The following ZDHHC17 variants were observed in gnomAD, a reference collection of about 807,000 sequenced individuals.
ZDHHC17 encodes the protein zDHHC palmitoyltransferase 17, also known as palmitoyltransferase ZDHHC17.
A neutral mutation model predicts 90.3 loss-of-function variants in ZDHHC17; 40 were observed. The observed-to-expected ratio is 0.44, with a 90% CI of 0.34 to 0.58. The LOEUF is 0.58. Ranked by LOEUF, ZDHHC17 falls within the 20% of genes least tolerant of loss-of-function variation. The pLI is 0.01. For missense variants in ZDHHC17, 614 were observed against 780.8 expected (o/e 0.79, Z 2.55); for synonymous variants, 235 against 252.4 (o/e 0.93, Z 0.65).
intron 1 of ZDHHC17, among the ~76,000 whole-genome samples, chr12:76,788,987 G>A (rs570054770): frequency 2.6e-5 from 4 of 152,100 alleles, no homozygotes; most frequent in Admixed American, 6.6e-5. Flanking sequence ...ATGAGCCACC[G>A]TGCCCAGCAA....
At chr12:76,836,573 T>C (rs34722810) in intron 10 of ZDHHC17, among the ~76,000 whole-genome samples, 13 of 152,146 alleles carry the variant, frequency 8.5e-5, no homozygotes, top group African/African-American at 3.1e-4. Flanking sequence ...TTGTTTAGTT[T>C]TTTCTTTAGC....
rs565034392 is a variant in ZDHHC17, at chr12:76,823,701, G to A, written c.897+1170G>A. ...AAAGACAAATTTAGGATAAAGAGAA[G>A]CAGTCTTGAAAGCAGTGCCTCCTTT... is the stretch of plus-strand genomic sequence containing the variant. On this transcript the variant is annotated intron_variant, in intron 8 of 16. Transcript: ENST00000426126. Among the ~76,000 whole-genome samples the A allele has an allele frequency of 1.2e-3, 190 of 152,266 alleles. 1 individual carries two copies. The highest frequency in any genetic ancestry group is 1.8e-3 in the Non-Finnish European group (121 of 68,008).
At chr12:76,804,920 TTTC>T (rs1458306086) in intron 2 of ZDHHC17, among the ~76,000 whole-genome samples, 5 of 152,198 alleles carry the variant, frequency 3.3e-5, no homozygotes, top group Non-Finnish European at 5.9e-5. Context: ...TATAACATCC[TTTC>T]TTCTTGATAC....
rs987110731 is a variant in ZDHHC17 at position 76,764,116 on chromosome 12, T to G, written c.-121T>G. Reference sequence around the variant, plus strand: ...GAGGGGGGAGGGGACAGAGGGGGCGTCACGGGGGCAGGAGAAGAAGGAGGA... The same window carrying G: ...GAGGGGGGAGGGGACAGAGGGGGCGGCACGGGGGCAGGAGAAGAAGGAGGA... On this transcript the variant is annotated 5_prime_UTR_variant, in exon 1 of 17. Transcript: ENST00000426126. 1.3e-5 allele frequency: 10 copies of G among 749,200 alleles called. No individual in the cohort carries two copies. The highest frequency in any genetic ancestry group is 1.1e-4 in the South Asian group (6 of 52,490). The allele number at this position is 749,200 out of a possible 1,614,324, so 46.4% of individuals were successfully genotyped here. A position where few individuals can be genotyped will look rare whatever the true frequency, so the allele number is the denominator to read the frequency against.
intron 9 of ZDHHC17, among the ~76,000 whole-genome samples, chr12:76,827,640 C>T (rs560569060): frequency 6.6e-6 from 1 of 152,040 alleles, no homozygotes; most frequent in African/African-American, 2.4e-5. Context: ...CATCTAATTT[C>T]CAGTCCTTTA....
chr12:76,771,880 C>T (rs1952496464), intron 1 of ZDHHC17, among the ~76,000 whole-genome samples: 1 of 152,178 alleles, frequency 6.6e-6, no homozygotes, highest in South Asian at 2.1e-4. Context: ...ATAACCTAAA[C>T]TCAGGATGCA....
At chr12:76,809,688 A>T (rs1373121581) in intron 4 of ZDHHC17, 25 bp from the exon 5 acceptor site, 1 of 1,407,722 alleles carries the variant, frequency 7.1e-7, no homozygotes. Context: ...TTATATATCT[A>T]AGTGTTTATT....
chr12:76,818,470 C>T (rs1313637267), intron 7 of ZDHHC17, among the ~76,000 whole-genome samples: 1 of 151,994 alleles, frequency 6.6e-6, no homozygotes, highest in Non-Finnish European at 1.5e-5. Context: ...GAGGAAACAG[C>T]CAGTAAGTGA....
chr12:76,822,598 A>G, intron 8 of ZDHHC17, 67 bp downstream of exon 8: 6 of 1,314,512 alleles, frequency 4.6e-6, no homozygotes, highest in Non-Finnish European at 6.3e-6. Context: ...CTTGTTGCCC[A>G]GGCTGGAGTG....
chr12:76,770,767 G>A (rs1223256374), intron 1 of ZDHHC17, among the ~76,000 whole-genome samples: 2 of 151,894 alleles, frequency 1.3e-5, no homozygotes, highest in Non-Finnish European at 2.9e-5. Flanking sequence ...GAGAAACCCC[G>A]TCTCTACTAA....
At chr12:76,819,241 G>A (rs777313599) in intron 7 of ZDHHC17, among the ~76,000 whole-genome samples, 30 of 152,098 alleles carry the variant, frequency 2.0e-4, no homozygotes, top group Non-Finnish European at 3.1e-4. Flanking sequence ...TTGAAGTGGT[G>A]TCTTAGCCGT....
At chr12:76,812,149 T>G (rs1953031983) in intron 5 of ZDHHC17, among the ~76,000 whole-genome samples, 1 of 152,302 alleles carries the variant, frequency 6.6e-6, no homozygotes, top group Middle Eastern at 3.4e-3. Context: ...ATACTCAACA[T>G]GTATACACTA....
chr12:76,797,816 T>A (rs1001982027), intron 2 of ZDHHC17, among the ~76,000 whole-genome samples: 1 of 152,012 alleles, frequency 6.6e-6, no homozygotes, highest in Non-Finnish European at 1.5e-5. Context: ...TGGTGGTGGA[T>A]GCCTATAATC....
At chr12:76,831,553 T>C (rs368318210) in intron 10 of ZDHHC17, among the ~76,000 whole-genome samples, 2 of 152,180 alleles carry the variant, frequency 1.3e-5, no homozygotes, top group South Asian at 4.1e-4. Context: ...GGTTTCACTA[T>C]GTTGGCCAGA....
At chr12:76,796,798 T>C (rs1409523051) in intron 1 of ZDHHC17, among the ~76,000 whole-genome samples, 2 of 152,166 alleles carry the variant, frequency 1.3e-5, no homozygotes, top group African/African-American at 2.4e-5. Context: ...ACTAGAATAA[T>C]AGAAAAATTG....
At chr12:76,783,179 T>C (rs1466855012) in intron 1 of ZDHHC17, among the ~76,000 whole-genome samples, 1 of 152,224 alleles carries the variant, frequency 6.6e-6, no homozygotes, top group Non-Finnish European at 1.5e-5. Flanking sequence ...TCTCCCATGA[T>C]TGAGGGTATT....
intron 3 of ZDHHC17, among the ~76,000 whole-genome samples, chr12:76,807,427 G>A (rs1459514587): frequency 1.3e-5 from 2 of 152,032 alleles, no homozygotes; most frequent in Non-Finnish European, 2.9e-5. Context: ...GAAAACCTAG[G>A]ATCATTAGTA....
At chr12:76,830,311 T>G (rs1337741410) in intron 10 of ZDHHC17, among the ~76,000 whole-genome samples, 1 of 152,214 alleles carries the variant, frequency 6.6e-6, no homozygotes, top group Non-Finnish European at 1.5e-5. Context: ...TTAAGTCCCC[T>G]TGTGTTTTAG....
chr12:76,815,778 A>G, intron 6 of ZDHHC17, 79 bp from the exon 7 acceptor site: 5 of 1,365,430 alleles, frequency 3.7e-6, no homozygotes, highest in Non-Finnish European at 4.8e-6. Context: ...AAGCATAATC[A>G]GTTTAGTATT....
Sources: allele counts gnomAD v4.1 joint callset (sites outside exome capture counted in the v4.1 genomes callset), GRCh38; gene constraint gnomAD v4.1.1; transcripts MANE v1.5; gene names NCBI Gene and HGNC (gene_info 2026-07-23, HGNC 2026-07-21).